The following AIM2 variants were observed in gnomAD, a reference collection of about 807,000 sequenced individuals.
AIM2 encodes the protein absent in melanoma 2.
AIM2 carries 30 observed loss-of-function variants against 27.7 expected under a neutral mutation model. That is an observed-to-expected ratio of 1.08 (90% CI 0.81 to 1.47). AIM2 has a LOEUF of 1.47. AIM2 is among the 40% of genes most tolerant of loss of function. AIM2 has a pLI of 0.00. For missense variants in AIM2, 358 were observed against 411.3 expected (o/e 0.87, Z 1.12); for synonymous variants, 141 against 145.3 (o/e 0.97, Z 0.21).
At chr1:159,139,007 G>T (rs1017794958) in intron 1 of AIM2, among the ~76,000 whole-genome samples, 1 of 152,132 alleles carries the variant, frequency 6.6e-6, no homozygotes, top group Non-Finnish European at 1.5e-5. Context: ...GTATTCAGAA[G>T]AAAATTGTTA....
chr1:159,086,082 C>T (rs1656906750), intron 1 of AIM2, among the ~76,000 whole-genome samples: 1 of 152,124 alleles, frequency 6.6e-6, no homozygotes, highest in African/African-American at 2.4e-5. Flanking sequence ...AAGGATAGGG[C>T]TCAGATCTAG....
chr1:159,064,921 C>T (rs1449875287), intron 4 of AIM2, among the ~76,000 whole-genome samples: 3 of 152,122 alleles, frequency 2.0e-5, no homozygotes, highest in South Asian at 2.1e-4. Flanking sequence ...GGAGATTGAT[C>T]GTATTTTAGG....
At chr1:159,146,189 G>A (rs1397894246) in intron 1 of AIM2, among the ~76,000 whole-genome samples, 1 of 152,060 alleles carries the variant, frequency 6.6e-6, no homozygotes, top group African/African-American at 2.4e-5. Context: ...GAGGAAACTA[G>A]TAGTGTTCAA....
chr1:159,101,460 G>T (rs112255221), intron 1 of AIM2, among the ~76,000 whole-genome samples: 1,902 of 152,250 alleles, frequency 0.012, 49 homozygotes, highest in African/African-American at 0.043. Flanking sequence ...ACGGTAAATT[G>T]GTACTGAGAC....
intron 1 of AIM2, among the ~76,000 whole-genome samples, chr1:159,100,734 G>C (rs1182225070): frequency 6.6e-6 from 1 of 152,232 alleles, no homozygotes; most frequent in Non-Finnish European, 1.5e-5. Context: ...CCTGGTTCTT[G>C]GTTGTGTGGC....
chr1:159,145,013 G>T (rs914607385), upstream of AIM2, among the ~76,000 whole-genome samples: 3 of 152,126 alleles, frequency 2.0e-5, no homozygotes, highest in Non-Finnish European at 2.9e-5. Flanking sequence ...CACATCTATT[G>T]TGAGCACAAC....
intron 1 of AIM2, among the ~76,000 whole-genome samples, chr1:159,087,963 TG>T (rs1297467650): frequency 6.6e-6 from 1 of 152,232 alleles, no homozygotes; most frequent in Admixed American, 6.5e-5. Context: ...TAAGTTTTTT[TG>T]CATAATTAAA....
chr1:159,076,315 G>C (rs1656608100), intron 1 of AIM2, among the ~76,000 whole-genome samples: 1 of 152,102 alleles, frequency 6.6e-6, no homozygotes, highest in Non-Finnish European at 1.5e-5. Flanking sequence ...TGAAAAACTT[G>C]CATTTTACTT....
intron 1 of AIM2, among the ~76,000 whole-genome samples, chr1:159,091,030 C>T (rs1218773575): frequency 6.6e-6 from 1 of 152,034 alleles, no homozygotes; most frequent in Non-Finnish European, 1.5e-5. Flanking sequence ...GAAATGGAAA[C>T]ATCAGAATGA....
chr1:159,056,606 T>C, the AIM2 span, among the ~76,000 whole-genome samples: 1 of 150,536 alleles, frequency 6.6e-6, no homozygotes, highest in Non-Finnish European at 1.5e-5. Context: ...AGAGACAAAT[T>C]GTGTTATTAG....
At chr1:159,089,237 G>A (rs750073577) in intron 1 of AIM2, among the ~76,000 whole-genome samples, 1 of 152,148 alleles carries the variant, frequency 6.6e-6, no homozygotes, top group African/African-American at 2.4e-5. Context: ...AGTGAGTACC[G>A]TCATTATTCT....
intron 1 of AIM2, chr1:159,122,261 C>T (rs1243375916): frequency 6.6e-6 from 1 of 152,158 alleles, no homozygotes; most frequent in Non-Finnish European, 1.5e-5. Flanking sequence ...TGTAAGTGCT[C>T]CTGGTTTGGT....
At chr1:159,089,477 A>G (rs1444915935) in intron 1 of AIM2, among the ~76,000 whole-genome samples, 1 of 152,216 alleles carries the variant, frequency 6.6e-6, no homozygotes, top group Non-Finnish European at 1.5e-5. Context: ...AGGTAGACAT[A>G]AAGCATGTCA....
At chr1:159,110,513 A>G (rs964495483) in intron 1 of AIM2, among the ~76,000 whole-genome samples, 1 of 152,194 alleles carries the variant, frequency 6.6e-6, no homozygotes, top group African/African-American at 2.4e-5. Flanking sequence ...TGCCGTTGGT[A>G]TACCAGGGTC....
chr1:159,139,926 T>C (rs1648078950), intron 1 of AIM2, among the ~76,000 whole-genome samples: 2 of 152,196 alleles, frequency 1.3e-5, no homozygotes, highest in Non-Finnish European at 2.9e-5. Context: ...CTCGGAATTC[T>C]CATGGTTAAG....
At chr1:159,119,849 CCTCT>C (rs201067765) in intron 1 of AIM2, among the ~76,000 whole-genome samples, 5 of 149,106 alleles carry the variant, frequency 3.4e-5, no homozygotes, top group African/African-American at 1.0e-4. Context: ...TTTCCCTATC[CCTCT>C]CTCTTTTTCT....
chr1:159,087,189 G>T (rs1656933562), intron 1 of AIM2, among the ~76,000 whole-genome samples: 1 of 152,006 alleles, frequency 6.6e-6, no homozygotes, highest in Non-Finnish European at 1.5e-5. Context: ...ACTGACCTAG[G>T]CTCCCAACCC....
intron 1 of AIM2, among the ~76,000 whole-genome samples, chr1:159,111,734 G>A (rs546928765): frequency 1.3e-5 from 2 of 151,244 alleles, no homozygotes; most frequent in Non-Finnish European, 2.9e-5. Flanking sequence ...AGGCCGAAGC[G>A]GGTGGATTGC....
intron 1 of AIM2, among the ~76,000 whole-genome samples, chr1:159,104,878 C>T (rs1297279328): frequency 6.6e-6 from 1 of 152,090 alleles, no homozygotes; most frequent in Non-Finnish European, 1.5e-5. Flanking sequence ...AAAAATGGGC[C>T]AATAATAATA....
Sources: gnomAD v4.1 joint callset for allele counts (sites outside exome capture counted in the v4.1 genomes callset) on GRCh38, gnomAD v4.1.1 for gene constraint, MANE v1.5 for transcripts, NCBI Gene and HGNC (gene_info 2026-07-23, HGNC 2026-07-21) for gene names.